The following PTPRJ variants were observed in gnomAD, a reference collection of about 807,000 sequenced individuals.
PTPRJ encodes protein tyrosine phosphatase receptor type J.
Under a neutral mutation model 141.3 loss-of-function variants are expected in PTPRJ, and 129 were observed. The observed-to-expected ratio is 0.91, with a 90% confidence interval of 0.79 to 1.06. The LOEUF (loss-of-function observed/expected upper bound fraction) is 1.06. Ranked by LOEUF, PTPRJ falls within the 50% of genes least tolerant of loss-of-function variation. The pLI is 0.00. For synonymous variants in PTPRJ, 610 were observed against 640.5 expected (o/e 0.95, Z 0.72); for missense variants, 1,601 against 1,679.7 (o/e 0.95, Z 0.82).
intron 1 of PTPRJ, among the ~76,000 whole-genome samples, chr11:48,054,882 G>T (rs983863116): frequency 6.6e-6 from 1 of 151,474 alleles, no homozygotes; most frequent in Non-Finnish European, 1.5e-5. Context: ...TAACTGAAGG[G>T]GGGTATATAA....
intron 1 of PTPRJ, among the ~76,000 whole-genome samples, chr11:47,995,811 G>A (rs1159017382): frequency 6.6e-6 from 1 of 152,100 alleles, no homozygotes; most frequent in Non-Finnish European, 1.5e-5. Flanking sequence ...AGGCTGAGGC[G>A]GGCGGATCAC....
chr11:48,049,557 A>AAACAAAACAAAACAC (rs1235108188), intron 1 of PTPRJ, among the ~76,000 whole-genome samples: 111 of 149,640 alleles, frequency 7.4e-4, no homozygotes, highest in African/African-American at 2.6e-3. Flanking sequence ...AAACAAAACA[A>AAACAAAACAAAACAC]AACAAAACAA....
At chr11:48,057,986 G>A (rs956080634) in intron 1 of PTPRJ, among the ~76,000 whole-genome samples, 2 of 151,032 alleles carry the variant, frequency 1.3e-5, no homozygotes, top group Admixed American at 6.6e-5. Flanking sequence ...ATCTCGGCTC[G>A]CTGCAGCCTC....
intron 1 of PTPRJ, among the ~76,000 whole-genome samples, chr11:48,039,176 A>G (rs182036996): frequency 6.6e-6 from 1 of 151,584 alleles, no homozygotes; most frequent in African/African-American, 2.4e-5. Flanking sequence ...GAAAAAGACT[A>G]TTGGTAACAA....
intron 1 of PTPRJ, among the ~76,000 whole-genome samples, chr11:48,028,108 G>A (rs1396794336): frequency 2.0e-5 from 3 of 152,174 alleles, no homozygotes; most frequent in Non-Finnish European, 2.9e-5. Flanking sequence ...CTACTACTGA[G>A]CCATAAGTGG....
intron 1 of PTPRJ, among the ~76,000 whole-genome samples, chr11:48,101,848 A>C (rs1291003915): frequency 1.3e-5 from 2 of 152,194 alleles, no homozygotes; most frequent in African/African-American, 4.8e-5. Flanking sequence ...CAACTGAAGA[A>C]TTGAAACTCT....
intron 1 of PTPRJ, among the ~76,000 whole-genome samples, chr11:48,000,982 A>AT (rs1002159076): frequency 0.091 from 11,157 of 122,796 alleles, 520 homozygotes; most frequent in Non-Finnish European, 0.12. Flanking sequence ...GTCCCATATA[A>AT]TTTTTTTTTT....
chr11:48,124,557 C>T (rs952860332), intron 5 of PTPRJ, among the ~76,000 whole-genome samples: 1 of 152,174 alleles, frequency 6.6e-6, no homozygotes, highest in Non-Finnish European at 1.5e-5. Flanking sequence ...CACCCTGCAG[C>T]TGCCCCACCA....
At chr11:48,080,142 C>T (rs1565292427) in intron 1 of PTPRJ, among the ~76,000 whole-genome samples, 1 of 152,184 alleles carries the variant, frequency 6.6e-6, no homozygotes, top group East Asian at 1.9e-4. Context: ...AGGTTCTGGT[C>T]TAAGCCTCTC....
At chr11:48,111,063 A>C (rs1414543647) in intron 2 of PTPRJ, among the ~76,000 whole-genome samples, 2 of 151,982 alleles carry the variant, frequency 1.3e-5, no homozygotes, top group Non-Finnish European at 2.9e-5. Flanking sequence ...GATCACCTGA[A>C]TTCAGGAGTT....
intron 1 of PTPRJ, among the ~76,000 whole-genome samples, chr11:48,081,221 G>T (rs928206958): frequency 6.6e-6 from 1 of 152,208 alleles, no homozygotes; most frequent in Non-Finnish European, 1.5e-5. Flanking sequence ...CCATTCATTT[G>T]CTTGTGCCGA....
chr11:48,009,106 T>A (rs1470783959), intron 1 of PTPRJ, among the ~76,000 whole-genome samples: 2 of 152,112 alleles, frequency 1.3e-5, no homozygotes, highest in Non-Finnish European at 2.9e-5. Flanking sequence ...GAACCGTGTG[T>A]GGGATGGTCT....
chr11:48,062,225 C>T (rs1854955132), intron 1 of PTPRJ, among the ~76,000 whole-genome samples: 1 of 151,268 alleles, frequency 6.6e-6, no homozygotes, highest in Non-Finnish European at 1.5e-5. Flanking sequence ...TAAAAAAGTG[C>T]CTGGCAGGCC....
intron 1 of PTPRJ, among the ~76,000 whole-genome samples, chr11:48,076,368 G>A (rs1855403273): frequency 6.6e-6 from 1 of 152,150 alleles, no homozygotes; most frequent in Non-Finnish European, 1.5e-5. Context: ...TAATCTTATG[G>A]GAGATGACAC....
intron 11 of PTPRJ, among the ~76,000 whole-genome samples, chr11:48,140,252 A>C (rs963818930): frequency 2.6e-5 from 4 of 151,928 alleles, no homozygotes; most frequent in African/African-American, 9.7e-5. Context: ...CTGGTCTTGA[A>C]CTCCTGACCT....
intron 1 of PTPRJ, among the ~76,000 whole-genome samples, chr11:48,020,601 C>T (rs565769008): frequency 1.1e-4 from 16 of 152,126 alleles, no homozygotes; most frequent in Non-Finnish European, 1.5e-4. Context: ...AGACTGCAGC[C>T]GGACATGGCT....
chr11:48,056,693 C>G (rs531499052), intron 1 of PTPRJ, among the ~76,000 whole-genome samples: 100 of 152,250 alleles, frequency 6.6e-4, no homozygotes, highest in African/African-American at 2.4e-3. Flanking sequence ...TGGCTCATGC[C>G]CGTAATCCCA....
intron 1 of PTPRJ, among the ~76,000 whole-genome samples, chr11:48,001,567 A>G (rs895774690): frequency 6.6e-6 from 1 of 152,132 alleles, no homozygotes; most frequent in African/African-American, 2.4e-5. Context: ...TGTAAGCACA[A>G]TACTAATAAG....
intron 1 of PTPRJ, among the ~76,000 whole-genome samples, chr11:47,982,500 A>G (rs1853936846): frequency 6.6e-6 from 1 of 152,174 alleles, no homozygotes; most frequent in Admixed American, 6.5e-5. Context: ...CTGTCCATGT[A>G]AGGAAATTCA....
Sources: allele counts gnomAD v4.1 joint callset (sites outside exome capture counted in the v4.1 genomes callset), GRCh38; gene constraint gnomAD v4.1.1; transcripts MANE v1.5; gene names NCBI Gene and HGNC (gene_info 2026-07-23, HGNC 2026-07-21).